The following IL3RA variants were observed in gnomAD, a reference collection of about 807,000 sequenced individuals.
IL3RA encodes interleukin 3 receptor subunit alpha.
In IL3RA, 73 loss-of-function variants were observed where a neutral mutation model predicts 52.3. The ratio of observed to expected loss-of-function variants is 1.40; its 90% CI spans 1.16 to 1.70. The LOEUF is 1.70. Among genes scored for constraint, IL3RA ranks in the 40% most tolerant of loss-of-function variants. The probability of loss-of-function intolerance (pLI) is 0.00; values close to 1 mark genes in which losing one functional copy is unlikely to be tolerated. For missense variants in IL3RA, 664 were observed against 504.4 expected, an observed-to-expected ratio of 1.32 and a Z score of -3.03; for synonymous variants, 260 against 194.0, an observed-to-expected ratio of 1.34 and a Z score of -2.83.
intron 8 of IL3RA, among the ~76,000 whole-genome samples, chrX:1,360,450 CCTT>C (rs1317129993): frequency 6.6e-6 from 1 of 151,590 alleles, no homozygotes; most frequent in African/African-American, 2.4e-5. Flanking sequence ...CTATCTCTCT[CCTT>C]GTCTATATCT....
intron 2 of IL3RA, among the ~76,000 whole-genome samples, chrX:1,344,110 C>T (rs1603443147): frequency 6.6e-6 from 1 of 152,140 alleles, no homozygotes. Flanking sequence ...TGACTTCTAC[C>T]AGCTCACAGA....
chrX:1,347,666 A>T (rs1408057679), intron 3 of IL3RA, among the ~76,000 whole-genome samples: 14 of 151,710 alleles, frequency 9.2e-5, no homozygotes, highest in Non-Finnish European at 1.9e-4. Flanking sequence ...GAAAAAAACA[A>T]AGCAAAACAA....
chrX:1,367,476 G>C (rs865786837), intron 9 of IL3RA, among the ~76,000 whole-genome samples: 19 of 65,184 alleles, frequency 2.9e-4, no homozygotes, highest in African/African-American at 8.8e-4. Context: ...CGGGGTGAGC[G>C]GGGTGCGCGG....
chrX:1,363,911 G>C (rs1271706988), intron 8 of IL3RA, among the ~76,000 whole-genome samples: 1 of 151,922 alleles, frequency 6.6e-6, no homozygotes, highest in East Asian at 1.9e-4. Flanking sequence ...GGCTGGGCGC[G>C]GTGGCTCACG....
chrX:1,379,783 G>A (rs1407734790), intron 10 of IL3RA, among the ~76,000 whole-genome samples: 6 of 152,060 alleles, frequency 3.9e-5, no homozygotes, highest in Admixed American at 3.9e-4. Flanking sequence ...TTTAGAGAAG[G>A]AGTTTTGCTT....
At chrX:1,351,633 T>A (rs761876502) in intron 4 of IL3RA, among the ~76,000 whole-genome samples, 2 of 139,030 alleles carry the variant, frequency 1.4e-5, no homozygotes, top group South Asian at 4.6e-4. Flanking sequence ...CTGGGTTTGT[T>A]TTTTTATTTT....
intron 1 of IL3RA, among the ~76,000 whole-genome samples, 158 bp downstream of exon 1, chrX:1,337,084 T>C (rs1377603080): frequency 5.3e-5 from 8 of 152,162 alleles, no homozygotes; most frequent in Admixed American, 2.0e-4. Flanking sequence ...ACACCACACA[T>C]AGAATGACCC....
chrX:1,382,014 G>A (rs1362883613), intron 11 of IL3RA, among the ~76,000 whole-genome samples: 6 of 150,834 alleles, frequency 4.0e-5, no homozygotes, highest in East Asian at 2.0e-4. Flanking sequence ...GTGCAATCTC[G>A]GCTCACTGCA....
At chrX:1,365,337 CGCG>C in intron 9 of IL3RA, 85 bp downstream of exon 9, 1 of 406,196 alleles carries the variant, frequency 2.5e-6, no homozygotes. Flanking sequence ...GAGCGGGGTG[CGCG>C]GGGTGAGCGG....
At chrX:1,344,779 A>C (rs1346123011) in intron 2 of IL3RA, among the ~76,000 whole-genome samples, 2 of 151,644 alleles carry the variant, frequency 1.3e-5, no homozygotes, top group African/African-American at 4.8e-5. Flanking sequence ...GTCTCAAAAA[A>C]ATAAAAAATT....
chrX:1,382,687 C>A lies in IL3RA; in HGVS notation c.*222C>A. ...ATAAAGTGATTTTTTTTTTTTTAACCCACTCACTGGTCCCGGTCTCTGGAT... is the reference window on the plus strand; with the variant it reads ...ATAAAGTGATTTTTTTTTTTTTAACACACTCACTGGTCCCGGTCTCTGGAT... On this transcript the variant is annotated 3_prime_UTR_variant, in exon 12 of 12. Coordinates refer to ENST00000331035, the MANE Select transcript of IL3RA (RefSeq NM_002183.4). The A allele has an allele frequency of 1.7e-6, 1 of 582,340 alleles. No homozygotes were observed. The highest frequency in any genetic ancestry group is 2.8e-5 in the East Asian group (1 of 35,100). The allele number at this position is 582,340 out of a possible 1,614,324, so 36.1% of individuals were successfully genotyped here. A position where few individuals can be genotyped will look rare whatever the true frequency, so the allele number is the denominator to read the frequency against.
rs866033235 is a variant in IL3RA at position 1,348,652 on chromosome X, T to C, written c.298+107T>C. The C allele has an allele frequency of 1.4e-5, 5 of 360,574 alleles. 1 individual carries two copies. Among genetic ancestry groups the C allele is most frequent in the Non-Finnish European group, 2.3e-5 (5 of 214,378 alleles). 22.3% of individuals were successfully genotyped at this position (360,574 alleles called of 1,614,324 possible). ...TTTTTTCTTTTCTTTTTCTCTTTCT[T>C]TCTTTCTTTCTTTCTTTCTTTCTTT... On this transcript the variant is annotated intron_variant, in intron 4 of 11. Transcript: ENST00000331035.
rs752061948 is a variant in IL3RA, at chrX:1,381,023, G to A, written c.981G>A (p.Arg327=). Residue 327 remains arginine (R), a splice_region_variant and synonymous_variant, in exon 11 of 12, where the codon AGG becomes AGA. Transcript: ENST00000331035. The part of the protein sequence containing the change: ...ALVCVFVICR[R]YLVMQRLFPR... Reference sequence around the variant, plus strand: ...CTGGGCCATTTCTCTTTCCTCCGAGGTATCTGGTGATGCAGAGACTCTTTC... The same window carrying A: ...CTGGGCCATTTCTCTTTCCTCCGAGATATCTGGTGATGCAGAGACTCTTTC... 5.6e-6 allele frequency: 9 copies of A among 1,613,694 alleles called. No homozygotes were observed. The East Asian group carries it at 1.8e-4, about 32-fold the overall frequency.
chrX:1,343,444 C>G (rs1458648771), intron 2 of IL3RA, among the ~76,000 whole-genome samples: 2 of 151,734 alleles, frequency 1.3e-5, no homozygotes, highest in African/African-American at 4.8e-5. Context: ...GCGGGTGGAT[C>G]ACTTGAGGTC....
intron 10 of IL3RA, among the ~76,000 whole-genome samples, chrX:1,379,287 C>G (rs1446635152): frequency 2.6e-5 from 4 of 152,146 alleles, no homozygotes; most frequent in Non-Finnish European, 5.9e-5. Flanking sequence ...TCCCGAGTAG[C>G]TGGGATTACA....
chrX:1,364,275 G>A (rs768394320), intron 8 of IL3RA, among the ~76,000 whole-genome samples: 7 of 151,842 alleles, frequency 4.6e-5, no homozygotes, highest in African/African-American at 9.7e-5. Flanking sequence ...GTGGATCACC[G>A]GAGGTTGGGA....
rs1461396654 is a variant in IL3RA at position 1,377,386 on chromosome X, G to A, written c.875-1273G>A. Among the ~76,000 whole-genome samples the A allele has an allele frequency of 5.9e-5, 9 of 152,002 alleles. No individual in the cohort carries two copies. In the South Asian group the frequency reaches 8.3e-4, roughly 14 times the overall value. ...CTTCTGAGTAGCTGGGATGACAGGCGCCCGCCACCACACCCGGCTACTGTT... is the reference window on the plus strand; with the variant it reads ...CTTCTGAGTAGCTGGGATGACAGGCACCCGCCACCACACCCGGCTACTGTT... On this transcript the variant is annotated intron_variant, in intron 9 of 11. Coordinates refer to ENST00000331035, the MANE Select transcript of IL3RA (RefSeq NM_002183.4).
rs1206946710 is a variant in IL3RA at position 1,347,613 on chromosome X, C to G, written c.184-818C>G. ...TAGCCTGGGCAAGCGGAGTGAGGCC[C>G]TGTCTTAACAAAAAAACAAAGAAAC... On this transcript the variant is annotated intron_variant, in intron 3 of 11. Coordinates refer to ENST00000331035, the MANE Select transcript of IL3RA (RefSeq NM_002183.4). 3.3e-5 allele frequency among the ~76,000 whole-genome samples: 5 copies of G among 151,176 alleles called. 1 individual carries two copies. Among genetic ancestry groups the G allele is most frequent in the African/African-American group, 7.3e-5 (3 of 40,920 alleles).
intron 8 of IL3RA, among the ~76,000 whole-genome samples, chrX:1,363,289 A>G (rs1379450569): frequency 6.8e-6 from 1 of 148,054 alleles, no homozygotes; most frequent in Admixed American, 6.8e-5. Context: ...TCAAATATGA[A>G]TGGTCTTTTC....
Sources: allele counts gnomAD v4.1 joint callset (sites outside exome capture counted in the v4.1 genomes callset), GRCh38; gene constraint gnomAD v4.1.1; transcripts MANE v1.5; gene names NCBI Gene and HGNC (gene_info 2026-07-23, HGNC 2026-07-21).